PCDHA7: variants seen among roughly 807,000 people sequenced by gnomAD.
The protein encoded by PCDHA7 is protocadherin alpha 7, also known as protocadherin alpha-7.
A neutral mutation model predicts 57.2 loss-of-function variants in PCDHA7; 37 were observed. That is an observed-to-expected ratio of 0.65 (90% CI 0.50 to 0.85). The LOEUF (loss-of-function observed/expected upper bound fraction) is 0.85. PCDHA7 is among the 40% of genes least tolerant of loss of function. PCDHA7 has a pLI of 0.00. For synonymous variants in PCDHA7, 553 were observed against 558.8 expected (o/e 0.99, Z 0.15); for missense variants, 1,188 against 1,241.8 (o/e 0.96, Z 0.65).
chr5:140,967,404 A>C (rs2096137449), intron 1 of PCDHA7: 1 of 1,612,076 alleles, frequency 6.2e-7, no homozygotes, highest in Non-Finnish European at 8.5e-7. Flanking sequence ...GTGCTGCGTA[A>C]GGGCCTAGAC....
intron 3 of PCDHA7, among the ~76,000 whole-genome samples, chr5:140,983,433 G>A (rs1306046524): frequency 1.3e-5 from 2 of 152,208 alleles, no homozygotes; most frequent in African/African-American, 4.8e-5. Context: ...CACAAATTGT[G>A]TCTACTCTAA....
At chr5:140,848,137 T>G in intron 1 of PCDHA7, 1 of 195,782 alleles carries the variant, frequency 5.1e-6, no homozygotes, top group Non-Finnish European at 1.1e-5. Context: ...ATACAAAACT[T>G]TTAGAGGCAG....
At chr5:140,862,429 A>G (rs2047360800) in intron 1 of PCDHA7, 1 of 354,378 alleles carries the variant, frequency 2.8e-6, no homozygotes, top group Admixed American at 3.8e-5. Context: ...CCCAGAAACT[A>G]TTCGTTGGTA....
chr5:140,872,354 A>G (rs2053612951), intron 1 of PCDHA7, among the ~76,000 whole-genome samples: 1 of 152,138 alleles, frequency 6.6e-6, no homozygotes, highest in Non-Finnish European at 1.5e-5. Context: ...TTGCCAGGCA[A>G]AGTGGTTCAG....
intron 1 of PCDHA7, among the ~76,000 whole-genome samples, chr5:140,894,375 T>G (rs1246573357): frequency 1.3e-5 from 2 of 152,054 alleles, no homozygotes; most frequent in Non-Finnish European, 2.9e-5. Context: ...ATGGCTCCAA[T>G]TATATTTGTA....
At chr5:140,849,995 C>CGA in intron 1 of PCDHA7, 1 of 1,597,088 alleles carries the variant, frequency 6.3e-7, no homozygotes, top group Non-Finnish European at 8.6e-7. Context: ...GGCGGTTGGG[C>CGA]GAGCGCTCGC....
At chr5:140,846,108 T>C (rs1420527870) in intron 1 of PCDHA7, among the ~76,000 whole-genome samples, 1 of 149,756 alleles carries the variant, frequency 6.7e-6, no homozygotes, top group African/African-American at 2.4e-5. Context: ...ATGTGTAGAC[T>C]ATCTTACTTT....
intron 1 of PCDHA7, chr5:140,857,226 C>A (rs1266010631): frequency 6.3e-7 from 1 of 1,598,378 alleles, no homozygotes; most frequent in African/African-American, 1.3e-5. Context: ...CCTCACGTTC[C>A]GTTCAAGCTG....
chr5:140,837,753 T>G (rs1775240938), intron 1 of PCDHA7, among the ~76,000 whole-genome samples: 1 of 151,848 alleles, frequency 6.6e-6, no homozygotes, highest in South Asian at 2.1e-4. Context: ...TATAGCCCAC[T>G]GCAACCTGAA....
intron 2 of PCDHA7, among the ~76,000 whole-genome samples, chr5:140,979,303 C>A (rs1048294748): frequency 6.6e-6 from 1 of 152,148 alleles, no homozygotes; most frequent in Non-Finnish European, 1.5e-5. Context: ...CTCCTTCATC[C>A]CTCTCTACCT....
At chr5:140,890,237 A>G (rs1554184228) in intron 1 of PCDHA7, among the ~76,000 whole-genome samples, 1 of 152,154 alleles carries the variant, frequency 6.6e-6, no homozygotes, top group East Asian at 1.9e-4. Flanking sequence ...TTAAGCATTT[A>G]CCAGTACACT....
chr5:140,853,550 A>G lies in PCDHA7; in HGVS notation c.2355+16812A>G, dbSNP rs1220580978. The G allele has an allele frequency of 5.1e-6, 5 of 979,400 alleles. 1 individual carries two copies. Among genetic ancestry groups the G allele is most frequent in the Non-Finnish European group, 6.2e-6 (5 of 811,998 alleles). 60.7% of individuals were successfully genotyped at this position (979,400 alleles called of 1,614,324 possible). A position where few individuals can be genotyped will look rare whatever the true frequency, so the allele number is the denominator to read the frequency against. On this transcript the variant is annotated intron_variant, in intron 1 of 3. Transcript: ENST00000525929. The stretch of plus-strand genomic sequence containing the variant: ...TGTCTCTTTTCAAGTTGTAATTACT[A>G]TATAGGAAAAACTAAGTTGTCACCC...
rs1563186680 is a variant in PCDHA7 at position 140,941,223 on chromosome 5, C to CTTTCTT, written c.2356-37724_2356-37719dup. Among the ~76,000 whole-genome samples the CTTTCTT allele has an allele frequency of 6.9e-4, 92 of 132,548 alleles. 1 individual carries two copies. The highest frequency in any genetic ancestry group is 2.7e-3 in the African/African-American group (88 of 33,182). The allele number at this position is 132,548 out of a possible 152,430, so 87.0% of individuals were successfully genotyped here. A position where few individuals can be genotyped will look rare whatever the true frequency, so the allele number is the denominator to read the frequency against. ...TCTTCCTTTCTTTCTTCCTTTCTTT[C>CTTTCTT]TTTCTTTCTTTCTTTCTTTCTTTCT... On this transcript the variant is annotated intron_variant, in intron 1 of 3. Coordinates refer to ENST00000525929, the MANE Select transcript of PCDHA7 (RefSeq NM_018910.3).
intron 1 of PCDHA7, among the ~76,000 whole-genome samples, chr5:140,900,826 A>G (rs1554189460): frequency 2.0e-5 from 3 of 152,224 alleles, no homozygotes. Flanking sequence ...CATTCCCACC[A>G]ACAATGTACA....
intron 1 of PCDHA7, among the ~76,000 whole-genome samples, chr5:140,936,386 A>C (rs1321919652): frequency 6.6e-6 from 1 of 152,190 alleles, no homozygotes; most frequent in African/African-American, 2.4e-5. Context: ...GTGGCTAGTG[A>C]AACTGGGCTA....
At chr5:141,009,285 T>C (rs1554262099) in intron 3 of PCDHA7, among the ~76,000 whole-genome samples, 1 of 152,106 alleles carries the variant, frequency 6.6e-6, no homozygotes, top group African/African-American at 2.4e-5. Context: ...TGAGATCCCA[T>C]TTCTATAAAA....
chr5:140,909,134 C>A (rs1337385284), intron 1 of PCDHA7, among the ~76,000 whole-genome samples: 3 of 152,140 alleles, frequency 2.0e-5, no homozygotes, highest in Non-Finnish European at 4.4e-5. Flanking sequence ...AGGTAATGAA[C>A]CAGTGTGATA....
At chr5:140,851,915 T>G (rs1554145604) in intron 1 of PCDHA7, 1 of 967,000 alleles carries the variant, frequency 1.0e-6, no homozygotes, top group Non-Finnish European at 1.2e-6. Context: ...TGTCACTACA[T>G]GTTATGTTTC....
At chr5:140,848,964 G>C in intron 1 of PCDHA7, 1 of 1,606,312 alleles carries the variant, frequency 6.2e-7, no homozygotes, top group Non-Finnish European at 8.5e-7. Flanking sequence ...ACTAGAGGGC[G>C]CGTCCGATGC....
Sources: allele counts gnomAD v4.1 joint callset (sites outside exome capture counted in the v4.1 genomes callset), GRCh38; gene constraint gnomAD v4.1.1; transcripts MANE v1.5; gene names NCBI Gene and HGNC (gene_info 2026-07-23, HGNC 2026-07-21).